Variants in PDZRN3 observed in about 807,000 individuals in gnomAD.
PDZRN3 encodes E3 ubiquitin-protein ligase PDZRN3.
Under a neutral mutation model 85.7 loss-of-function variants are expected in PDZRN3, and 38 were observed. The observed-to-expected ratio is 0.44, with a 90% CI of 0.34 to 0.58. PDZRN3 has a LOEUF of 0.58. PDZRN3 is among the 20% of genes least tolerant of loss of function. The pLI is 0.01. For synonymous variants in PDZRN3, 759 were observed against 638.0 expected (o/e 1.19, Z -2.86); for missense variants, 1,629 against 1,506.4 (o/e 1.08, Z -1.35).
At position 73,382,647 on chromosome 3, in the gene PDZRN3, C is replaced by A. The variant is rs544708777; in HGVS notation, c.*718G>T. On this transcript the variant is annotated 3_prime_UTR_variant, in exon 10 of 10. Coordinates refer to ENST00000263666, the MANE Select transcript of PDZRN3 (RefSeq NM_015009.3). ...TTAAAATTCCACAAACCGTCTCCATCCACAACTTTCCTGTACATGCAAATT... is the reference window on the plus strand; with the variant it reads ...TTAAAATTCCACAAACCGTCTCCATACACAACTTTCCTGTACATGCAAATT... 1 of 152,786 alleles carries A rather than the reference C, an allele frequency of 6.5e-6. No homozygotes were observed. Among genetic ancestry groups the A allele is most frequent in the African/African-American group, 2.4e-5 (1 of 41,578 alleles). 9.5% of individuals were successfully genotyped at this position (152,786 alleles called of 1,614,324 possible).
At chr3:73,398,368 G>C (rs563004069) in intron 5 of PDZRN3, among the ~76,000 whole-genome samples, 1 of 152,312 alleles carries the variant, frequency 6.6e-6, no homozygotes, top group African/African-American at 2.4e-5. Flanking sequence ...ATGATAGCTT[G>C]GGCTGCTTTA....
chr3:73,409,614 C>CCAAGACATCGAGTGACT (rs1463372001), intron 3 of PDZRN3, among the ~76,000 whole-genome samples: 1 of 152,018 alleles, frequency 6.6e-6, no homozygotes, highest in Admixed American at 6.6e-5. Flanking sequence ...TGGCGTTTTA[C>CCAAGACATCGAGTGACT]CAAGACATCG....
In PDZRN3 at chr3:73,513,937, AGT is replaced by A. The variant is rs1344630845; in HGVS notation, c.918+88415_918+88416del. On this transcript the variant is annotated intron_variant, in intron 3 of 9. Coordinates refer to ENST00000263666, the MANE Select transcript of PDZRN3 (RefSeq NM_015009.3). ...ATATACAAGGTTTCTATGTCCTTCT[AGT>A]TGGTACATTCACAGATAGGATATTT... Among the ~76,000 whole-genome samples the A allele has an allele frequency of 6.6e-5, 10 of 152,364 alleles. No individual in the cohort carries two copies. In the East Asian group the frequency reaches 1.5e-3, roughly 23 times the overall value.
Position 73,624,187 on chromosome 3 carries a change from C to A in PDZRN3, c.639G>T (p.Ala213=). ...AAAQLELQMT[A]LRYQKKFTEY... is the part of the protein sequence containing the mutation. ...CGGTGAATTTCTTCTGGTAGCGCAG[C>A]GCGGTCATCTGCAGCTCAAGCTGCG... Residue 213 remains alanine (A), a synonymous_variant, in exon 1 of 10, where the codon GCG becomes GCT. Coordinates refer to ENST00000263666, the MANE Select transcript of PDZRN3 (RefSeq NM_015009.3). The A allele has an allele frequency of 6.7e-7, 1 of 1,502,422 alleles. No homozygotes were observed. Among genetic ancestry groups the A allele is most frequent in the Non-Finnish European group, 8.8e-7 (1 of 1,131,170 alleles). 93.1% of individuals were successfully genotyped at this position (1,502,422 alleles called of 1,614,324 possible).
chr3:73,602,953 C>T (rs1467284894), intron 2 of PDZRN3, among the ~76,000 whole-genome samples: 2 of 152,142 alleles, frequency 1.3e-5, no homozygotes, highest in Non-Finnish European at 2.9e-5. Context: ...TTTTCATTTG[C>T]TGTGATTAAA....
In PDZRN3 at chr3:73,535,819, G is replaced by A. The variant is rs149220154; in HGVS notation, c.918+66535C>T. 7.2e-5 allele frequency among the ~76,000 whole-genome samples: 11 copies of A among 152,196 alleles called. No individual in the cohort carries two copies. The East Asian group carries it at 1.7e-3, about 24-fold the overall frequency. ...GTGATTGTAGAATACCATTTATTAC[G>A]CACCCACATGCATGGCATATTGCAA... On this transcript the variant is annotated intron_variant, in intron 3 of 9. Coordinates refer to ENST00000263666, the MANE Select transcript of PDZRN3 (RefSeq NM_015009.3).
rs1702938031 is a variant in PDZRN3, at chr3:73,624,582, A to C, written c.244T>G (p.Cys82Gly). 1.3e-6 allele frequency: 2 copies of C among 1,551,012 alleles called. No individual in the cohort carries two copies. Among genetic ancestry groups the C allele is most frequent in the Non-Finnish European group, 1.7e-6 (2 of 1,153,028 alleles). ...CCGCAGCCGCGCGTCGCGTACGCGC[A>C]CTTGATGTCCAGCTTGAGGATAAGG... Reference protein sequence around the residue: ...KRLILKLDIKCAYATRGCGRV... With the variant: ...KRLILKLDIKGAYATRGCGRV... Residue 82 changes from cysteine to glycine, a missense_variant, in exon 1 of 10, where the codon TGC (cysteine) becomes GGC (glycine). Coordinates refer to ENST00000263666, the MANE Select transcript of PDZRN3 (RefSeq NM_015009.3).
intron 3 of PDZRN3, among the ~76,000 whole-genome samples, chr3:73,464,970 T>G (rs1210287443): frequency 3.9e-5 from 6 of 152,212 alleles, no homozygotes; most frequent in African/African-American, 1.4e-4. Context: ...TTATTCCTCT[T>G]ATTTAAGTGA....
At chr3:73,526,669 A>AGTT (rs1324185229) in intron 3 of PDZRN3, among the ~76,000 whole-genome samples, 1 of 152,062 alleles carries the variant, frequency 6.6e-6, no homozygotes, top group African/African-American at 2.4e-5. Context: ...ACTTTGTCTT[A>AGTT]GTTGTTGTTG....
chr3:73,601,268 G>A (rs1405051657), intron 3 of PDZRN3, among the ~76,000 whole-genome samples: 7 of 152,154 alleles, frequency 4.6e-5, no homozygotes, highest in Non-Finnish European at 1.0e-4. Flanking sequence ...AGTGAGTGAT[G>A]TGAACTTCAC....
At chr3:73,521,313 T>A (rs1704359330) in intron 3 of PDZRN3, among the ~76,000 whole-genome samples, 1 of 152,040 alleles carries the variant, frequency 6.6e-6, no homozygotes, top group Non-Finnish European at 1.5e-5. Context: ...TAACTCTCAT[T>A]CTGAGGAGCT....
chr3:73,473,246 A>AT lies in PDZRN3; in HGVS notation c.919-68852dup, dbSNP rs142188456. Among the ~76,000 whole-genome samples, 905 of 151,644 alleles carry AT rather than the reference A, an allele frequency of 6.0e-3. 12 individuals are homozygous for AT. The highest frequency in any genetic ancestry group is 0.021 in the African/African-American group (859 of 41,318). On this transcript the variant is annotated intron_variant, in intron 3 of 9. Transcript: ENST00000263666. ...TGACCAAAAACTCTTTCGCAGAAAT[A>AT]TTTTTTTTTCTCTTTGTTTTAATGA...
chr3:73,503,958 G>A (rs1224341029), intron 3 of PDZRN3, among the ~76,000 whole-genome samples: 3 of 152,170 alleles, frequency 2.0e-5, no homozygotes, highest in African/African-American at 7.2e-5. Context: ...GTAACTCAGC[G>A]AAACAGAAAC....
intron 3 of PDZRN3, among the ~76,000 whole-genome samples, chr3:73,431,591 G>C (rs943306256): frequency 6.6e-6 from 1 of 152,164 alleles, no homozygotes; most frequent in East Asian, 1.9e-4. Context: ...ATTCCTTTAT[G>C]CTACGGTTCA....
intron 3 of PDZRN3, among the ~76,000 whole-genome samples, chr3:73,416,874 TGG>T (rs371938053): frequency 3.1e-3 from 214 of 69,326 alleles, no homozygotes; most frequent in African/African-American, 0.012. Flanking sequence ...TGTTTTTTTT[TGG>T]TTTTTTTTTT....
chr3:73,407,417 T>A (rs1476146247), intron 3 of PDZRN3, among the ~76,000 whole-genome samples: 1 of 152,184 alleles, frequency 6.6e-6, no homozygotes, highest in African/African-American at 2.4e-5. Context: ...GAACGTCTTA[T>A]CCCCAAAATT....
intron 3 of PDZRN3, among the ~76,000 whole-genome samples, chr3:73,578,216 T>C (rs1033120952): frequency 4.8e-5 from 7 of 145,848 alleles, no homozygotes; most frequent in African/African-American, 1.8e-4. Context: ...CAGGCTGGAG[T>C]GCGAGTGCAG....
chr3:73,428,887 T>C (rs1702373442), intron 3 of PDZRN3, among the ~76,000 whole-genome samples: 2 of 149,668 alleles, frequency 1.3e-5, no homozygotes, highest in South Asian at 2.1e-4. Context: ...GAGGAGAAGA[T>C]GGGCTTGTTT....
At chr3:73,541,875 T>A (rs1288358015) in intron 3 of PDZRN3, among the ~76,000 whole-genome samples, 2 of 152,046 alleles carry the variant, frequency 1.3e-5, no homozygotes, top group African/African-American at 4.8e-5. Context: ...TCTCATACTA[T>A]GTAAATGTTT....
Sources: allele counts gnomAD v4.1 joint callset (sites outside exome capture counted in the v4.1 genomes callset), GRCh38; gene constraint gnomAD v4.1.1; transcripts MANE v1.5; gene names NCBI Gene and HGNC (gene_info 2026-07-23, HGNC 2026-07-21).